The following PRKN variants were observed in gnomAD, a reference collection of about 807,000 sequenced individuals.
PRKN encodes E3 ubiquitin-protein ligase parkin.
A neutral mutation model predicts 59.5 loss-of-function variants in PRKN; 56 were observed. The ratio of observed to expected loss-of-function variants is 0.94; its 90% confidence interval spans 0.76 to 1.18. PRKN has a LOEUF of 1.18. PRKN is among the 50% of genes most tolerant of loss of function. PRKN has a pLI of 0.00. For synonymous variants in PRKN, 250 were observed against 222.1 expected, an observed-to-expected ratio of 1.13 and a Z score of -1.12; for missense variants, 657 against 596.4, an observed-to-expected ratio of 1.10 and a Z score of -1.06.
intron 2 of PRKN, among the ~76,000 whole-genome samples, chr6:162,431,790 A>G (rs1477756155): frequency 6.6e-6 from 1 of 152,250 alleles, no homozygotes; most frequent in Non-Finnish European, 1.5e-5. Flanking sequence ...GTCAAGCAGG[A>G]AACCCTAAAA....
At chr6:161,893,337 T>A (rs1380710792) in intron 6 of PRKN, among the ~76,000 whole-genome samples, 1 of 152,202 alleles carries the variant, frequency 6.6e-6, no homozygotes, top group African/African-American at 2.4e-5. Flanking sequence ...GCTTAGCCAG[T>A]TAAAGCACAG....
chr6:162,577,373 G>A (rs112267986), intron 1 of PRKN, among the ~76,000 whole-genome samples: 3,219 of 151,216 alleles, frequency 0.021, 105 homozygotes, highest in African/African-American at 0.071. Flanking sequence ...GCCGAGGCAC[G>A]TGGATCACCT....
At chr6:162,066,507 A>G (rs780033446) in intron 4 of PRKN, among the ~76,000 whole-genome samples, 2 of 152,174 alleles carry the variant, frequency 1.3e-5, no homozygotes, top group Admixed American at 6.5e-5. Flanking sequence ...GCCTAATGGA[A>G]AGCGTTTAAG....
intron 6 of PRKN, among the ~76,000 whole-genome samples, chr6:161,826,428 T>A (rs1792247649): frequency 6.6e-6 from 1 of 152,220 alleles, no homozygotes; most frequent in African/African-American, 2.4e-5. Context: ...CACATAGGCA[T>A]ATGATGACTA....
At chr6:161,464,712 C>A (rs1461516030) in intron 9 of PRKN, among the ~76,000 whole-genome samples, 1 of 152,122 alleles carries the variant, frequency 6.6e-6, no homozygotes, top group African/African-American at 2.4e-5. Context: ...AAATGAATTA[C>A]CAAATAATTA....
Position 161,391,368 on chromosome 6 carries a change from C to T in PRKN, c.1084-4491G>A, listed in dbSNP as rs937006005. ...AGGAAACATGGAGTCCTGTTTATAC[C>T]GTATACATTTTCAGGATTGTCTTCT... On this transcript the variant is annotated intron_variant, in intron 9 of 11. Coordinates refer to ENST00000366898, the MANE Select transcript of PRKN (RefSeq NM_004562.3). The surrounding 1 kb of genome is among the most constrained non-coding windows in gnomAD (Gnocchi z 4.9). 6.6e-6 allele frequency among the ~76,000 whole-genome samples: 1 copy of T among 151,644 alleles called. No homozygotes were observed. Among genetic ancestry groups the T allele is most frequent in the Non-Finnish European group, 1.5e-5 (1 of 67,964 alleles).
At chr6:161,847,305 T>TAA (rs879846614) in intron 6 of PRKN, among the ~76,000 whole-genome samples, 2 of 145,464 alleles carry the variant, frequency 1.4e-5, no homozygotes, top group Admixed American at 6.9e-5. Context: ...AGACTCTGTC[T>TAA]AAAAAAAAAA....
intron 1 of PRKN, among the ~76,000 whole-genome samples, chr6:162,663,023 G>C (rs948001149): frequency 6.6e-6 from 1 of 152,054 alleles, no homozygotes; most frequent in African/African-American, 2.4e-5. Context: ...TGCACTGGGA[G>C]AACAAGGGAG....
rs1054998862 is a variant in PRKN at position 161,593,516 on chromosome 6, G to A, written c.872-24100C>T. On this transcript the variant is annotated intron_variant, in intron 7 of 11. Transcript: ENST00000366898. This position sits in a 1 kb window ranked among gnomAD's most constrained non-coding sequence, Gnocchi z 4.8. Reference sequence around the variant, plus strand: ...CTCTGGCTGTGGCCTGTGGTCAGCAGTGCAGCGGTCAGGTGGGAGGTGATG... The same window carrying A: ...CTCTGGCTGTGGCCTGTGGTCAGCAATGCAGCGGTCAGGTGGGAGGTGATG... Among the ~76,000 whole-genome samples the A allele has an allele frequency of 6.6e-6, 1 of 152,198 alleles. No homozygotes were observed. Among genetic ancestry groups the A allele is most frequent in the African/African-American group, 2.4e-5 (1 of 41,444 alleles).
intron 6 of PRKN, among the ~76,000 whole-genome samples, chr6:161,903,196 T>C (rs569898606): frequency 6.6e-6 from 1 of 152,306 alleles, no homozygotes; most frequent in Admixed American, 6.5e-5. Context: ...TGGAGGCGGC[T>C]GCACTGGCTC....
At chr6:161,908,314 G>A (rs1778227489) in intron 6 of PRKN, among the ~76,000 whole-genome samples, 1 of 152,058 alleles carries the variant, frequency 6.6e-6, no homozygotes, top group Non-Finnish European at 1.5e-5. Context: ...ATGGAAACAG[G>A]GCATCTTGTT....
intron 6 of PRKN, among the ~76,000 whole-genome samples, chr6:161,897,491 T>C (rs1234859560): frequency 6.6e-6 from 1 of 152,308 alleles, no homozygotes; most frequent in East Asian, 1.9e-4. Flanking sequence ...GAATGCTTCA[T>C]TGGGATTAGG....
intron 4 of PRKN, among the ~76,000 whole-genome samples, chr6:162,174,735 T>C (rs954021293): frequency 2.0e-5 from 3 of 152,218 alleles, no homozygotes; most frequent in Non-Finnish European, 2.9e-5. Context: ...TTCTTGTTCA[T>C]TTAACACACA....
At chr6:162,684,194 T>C (rs537264502) in intron 1 of PRKN, among the ~76,000 whole-genome samples, 137 of 152,236 alleles carry the variant, frequency 9.0e-4, no homozygotes, top group African/African-American at 3.2e-3. Context: ...ACTGACATAA[T>C]GTGAACACTA....
chr6:162,516,494 G>C lies in PRKN; in HGVS notation c.8-73021C>G, dbSNP rs142391095. 3.5e-3 allele frequency among the ~76,000 whole-genome samples: 533 copies of C among 152,308 alleles called. 2 individuals carry two copies. The highest frequency in any genetic ancestry group is 5.2e-3 in the Non-Finnish European group (352 of 68,018). On this transcript the variant is annotated intron_variant, in intron 1 of 11. Coordinates refer to ENST00000366898, the MANE Select transcript of PRKN (RefSeq NM_004562.3). ...TGGCCAGGTGTGGTGGCTCACGCCA[G>C]TAATCCCAGCACTTTGGGAGGCCGA...
At chr6:161,856,648 T>C (rs1403279083) in intron 6 of PRKN, among the ~76,000 whole-genome samples, 1 of 152,118 alleles carries the variant, frequency 6.6e-6, no homozygotes, top group Non-Finnish European at 1.5e-5. Flanking sequence ...AACATCATAG[T>C]ATAAGGTGAT....
At chr6:162,113,529 T>C (rs1409766289) in intron 4 of PRKN, among the ~76,000 whole-genome samples, 6 of 152,202 alleles carry the variant, frequency 3.9e-5, no homozygotes, top group Non-Finnish European at 8.8e-5. Context: ...GAGGGATATG[T>C]AGTACATGTG....
intron 1 of PRKN, among the ~76,000 whole-genome samples, chr6:162,499,616 G>A (rs939038822): frequency 6.6e-6 from 1 of 152,174 alleles, no homozygotes; most frequent in African/African-American, 2.4e-5. Context: ...GTCTTCAAAG[G>A]TTGAAAGACT....
intron 7 of PRKN, among the ~76,000 whole-genome samples, chr6:161,690,640 G>T (rs1440691089): frequency 6.6e-6 from 1 of 152,146 alleles, no homozygotes; most frequent in African/African-American, 2.4e-5. Flanking sequence ...GAATGGATGG[G>T]CAGCATCCCA....
Sources: allele counts gnomAD v4.1 joint callset (sites outside exome capture counted in the v4.1 genomes callset), GRCh38; gene constraint gnomAD v4.1.1; non-coding constraint Gnocchi (gnomAD v3.1); transcripts MANE v1.5; gene names NCBI Gene and HGNC (gene_info 2026-07-23, HGNC 2026-07-21).